Variants in SIPA1L2 observed in about 807,000 individuals in gnomAD.
SIPA1L2 encodes the protein signal-induced proliferation-associated 1-like protein 2.
A neutral mutation model predicts 163.9 loss-of-function variants in SIPA1L2; 56 were observed. The observed-to-expected ratio is 0.34, with a 90% CI of 0.28 to 0.43. SIPA1L2 has a LOEUF of 0.43. Ranked by LOEUF, SIPA1L2 falls within the 20% of genes least tolerant of loss-of-function variation. SIPA1L2 has a pLI of 1.00. For synonymous variants in SIPA1L2, 877 were observed against 865.7 expected (o/e 1.01, Z -0.23); for missense variants, 1,974 against 2,193.5 (o/e 0.90, Z 2.00).
intron 8 of SIPA1L2, among the ~76,000 whole-genome samples, chr1:232,470,280 T>C (rs1305657918): frequency 6.6e-6 from 1 of 152,182 alleles, no homozygotes; most frequent in Admixed American, 6.5e-5. Context: ...AGAATGACTA[T>C]GGAGGGAAGT....
intron 22 of SIPA1L2, among the ~76,000 whole-genome samples, chr1:232,401,156 T>G (rs919957944): frequency 7.2e-5 from 11 of 152,104 alleles, no homozygotes; most frequent in Non-Finnish European, 1.5e-4. Context: ...AACTTTAATA[T>G]TGGCTAAATT....
chr1:232,580,587 G>A (rs1055156126), intron 1 of SIPA1L2, among the ~76,000 whole-genome samples: 1 of 152,194 alleles, frequency 6.6e-6, no homozygotes, highest in Admixed American at 6.5e-5. Context: ...GGGAAGGGGA[G>A]GAGTCCTGGC....
intron 5 of SIPA1L2, among the ~76,000 whole-genome samples, chr1:232,486,886 G>A (rs1665672886): frequency 6.6e-6 from 1 of 152,304 alleles, no homozygotes; most frequent in Admixed American, 6.5e-5. Context: ...ATAAAGTAAA[G>A]GAGGGACTCC....
intron 2 of SIPA1L2, among the ~76,000 whole-genome samples, chr1:232,565,738 CAAACTTTT>C (rs1453026664): frequency 6.6e-6 from 1 of 152,176 alleles, no homozygotes; most frequent in Non-Finnish European, 1.5e-5. Context: ...TCTAAACAAA[CAAACTTTT>C]AAACTGGGTG....
chr1:232,539,583 T>C (rs904980494), intron 2 of SIPA1L2, among the ~76,000 whole-genome samples: 15 of 152,130 alleles, frequency 9.9e-5, no homozygotes, highest in Non-Finnish European at 1.5e-4. Context: ...CCAATATGCA[T>C]GAAGACTGAG....
chr1:232,439,645 CA>C, intron 14 of SIPA1L2, 149 bp from the exon 15 acceptor site: 1 of 856,464 alleles, frequency 1.2e-6, no homozygotes, highest in East Asian at 2.5e-5. Flanking sequence ...CTTCCTTTTT[CA>C]AAAACAACCT....
intron 1 of SIPA1L2, among the ~76,000 whole-genome samples, chr1:232,593,071 G>A (rs1222786610): frequency 2.0e-5 from 3 of 152,190 alleles, no homozygotes; most frequent in African/African-American, 4.8e-5. Flanking sequence ...AACTCAGACA[G>A]CAGCTGCAAA....
chr1:232,414,107 C>A (rs1661110738), intron 19 of SIPA1L2, among the ~76,000 whole-genome samples: 1 of 152,162 alleles, frequency 6.6e-6, no homozygotes, highest in South Asian at 2.1e-4. Context: ...CCCCACAAGG[C>A]AGACAGGCAG....
chr1:232,496,982 G>A (rs1289608930), intron 3 of SIPA1L2, among the ~76,000 whole-genome samples: 1 of 152,178 alleles, frequency 6.6e-6, no homozygotes, highest in African/African-American at 2.4e-5. Context: ...AATTATTGTA[G>A]GGAGTACAAA....
At chr1:232,538,666 A>G (rs1657456706) in intron 2 of SIPA1L2, among the ~76,000 whole-genome samples, 1 of 146,766 alleles carries the variant, frequency 6.8e-6, no homozygotes, top group Non-Finnish European at 1.5e-5. Context: ...AAAGTCCCCC[A>G]GGCTTAGTGT....
At chr1:232,520,852 A>C (rs1667429983) in intron 2 of SIPA1L2, among the ~76,000 whole-genome samples, 1 of 152,220 alleles carries the variant, frequency 6.6e-6, no homozygotes, top group Non-Finnish European at 1.5e-5. Context: ...CTGATCACCT[A>C]AAATGCATTT....
intron 9 of SIPA1L2, chr1:232,462,146 A>C (rs1363915867): frequency 7.8e-7 from 1 of 1,290,066 alleles, no homozygotes; most frequent in Admixed American, 2.0e-5. Flanking sequence ...ATTGCATCCC[A>C]CTTGGTACAT....
chr1:232,448,978 G>A (rs1426377160), intron 10 of SIPA1L2, among the ~76,000 whole-genome samples: 1 of 152,022 alleles, frequency 6.6e-6, no homozygotes, highest in Non-Finnish European at 1.5e-5. Flanking sequence ...GAGACCCAGG[G>A]TCACTTCTCC....
intron 1 of SIPA1L2, among the ~76,000 whole-genome samples, chr1:232,617,379 T>A (rs1267938627): frequency 6.6e-6 from 1 of 152,194 alleles, no homozygotes; most frequent in Non-Finnish European, 1.5e-5. Flanking sequence ...AAAAGGGAAG[T>A]TGAGATGTGA....
chr1:232,485,515 T>A (rs904996509), intron 5 of SIPA1L2, among the ~76,000 whole-genome samples: 1 of 152,226 alleles, frequency 6.6e-6, no homozygotes, highest in African/African-American at 2.4e-5. Flanking sequence ...TTACTGAGAA[T>A]AGACAATCAT....
At position 232,471,436 on chromosome 1, in the gene SIPA1L2, A is replaced by G; in HGVS notation, c.2178T>C (p.Ser726=). Residue 726 remains serine, a synonymous_variant, in exon 8 of 23, where the codon TCT becomes TCC. Coordinates refer to ENST00000674635, the MANE Select transcript of SIPA1L2 (RefSeq NM_020808.5). ...CTATGACAAAGACATGCTGAAAGTG[A>G]GACCGGATGCTTTTTGGAGTAAAAG... ...ALPFTPKSIR[S]HFQHVFVIVK... is the part of the protein sequence containing the mutation. 6.2e-7 allele frequency: 1 copy of G among 1,614,142 alleles called. No individual in the cohort carries two copies. Among genetic ancestry groups the G allele is most frequent in the South Asian group, 1.1e-5 (1 of 91,080 alleles).
At chr1:232,440,133 TA>T (rs1251501405) in intron 14 of SIPA1L2, among the ~76,000 whole-genome samples, 1 of 151,856 alleles carries the variant, frequency 6.6e-6, no homozygotes, top group African/African-American at 2.4e-5. Context: ...CTATTGAGAG[TA>T]AATAGGTCTG....
intron 2 of SIPA1L2, among the ~76,000 whole-genome samples, chr1:232,547,130 A>G (rs1658076560): frequency 6.6e-6 from 1 of 152,320 alleles, no homozygotes; most frequent in Non-Finnish European, 1.5e-5. Context: ...GGGTGGGAGA[A>G]AACTTTTCAC....
chr1:232,609,808 C>A (rs868125658), intron 1 of SIPA1L2, among the ~76,000 whole-genome samples: 2 of 133,144 alleles, frequency 1.5e-5, no homozygotes, highest in African/African-American at 2.9e-5. Flanking sequence ...CCAGCCCAGG[C>A]GACAGTGCGA....
Sources: gnomAD v4.1 joint callset for allele counts (sites outside exome capture counted in the v4.1 genomes callset) on GRCh38, gnomAD v4.1.1 for gene constraint, MANE v1.5 for transcripts, NCBI Gene and HGNC (gene_info 2026-07-23, HGNC 2026-07-21) for gene names.